PRIMPOL: variants seen among roughly 807,000 people sequenced by gnomAD.
PRIMPOL encodes the protein primase and DNA directed polymerase.
Under a neutral mutation model 63.6 loss-of-function variants are expected in PRIMPOL, and 54 were observed. That is an observed-to-expected ratio of 0.85 (90% CI 0.68 to 1.07). PRIMPOL has a LOEUF of 1.07. Among genes scored for constraint, PRIMPOL ranks in the 50% least tolerant of loss-of-function variants. The pLI, the probability that PRIMPOL is intolerant of heterozygous loss-of-function variation, is 0.00. For synonymous variants in PRIMPOL, 197 were observed against 220.2 expected, an observed-to-expected ratio of 0.89 and a Z score of 0.93; for missense variants, 610 against 648.3, an observed-to-expected ratio of 0.94 and a Z score of 0.64.
At chr4:184,683,743 A>C (rs1381545433) in intron 9 of PRIMPOL, among the ~76,000 whole-genome samples, 1 of 152,190 alleles carries the variant, frequency 6.6e-6, no homozygotes, top group Non-Finnish European at 1.5e-5. Context: ...GATTTCTTAC[A>C]TAAGCCCTCC....
chr4:184,685,711 AT>A (rs1756809192), intron 11 of PRIMPOL, 27 bp downstream of exon 11: 6 of 973,378 alleles, frequency 6.2e-6, no homozygotes, highest in Non-Finnish European at 9.3e-6. Flanking sequence ...ATTTGTGTGT[AT>A]TTAACCAATA....
At chr4:184,681,369 A>G (rs1229692836) in intron 8 of PRIMPOL, among the ~76,000 whole-genome samples, 1 of 152,080 alleles carries the variant, frequency 6.6e-6, no homozygotes, top group South Asian at 2.1e-4. Flanking sequence ...TATTATTCCA[A>G]GGTCCCTGTG....
chr4:184,672,223 GAAGATGATGATAGCGCTCC>G lies in PRIMPOL; in HGVS notation c.609_627del (p.Asp204ArgfsTer57). ...GCCTGCTCTTGACTTGCTTGGCAGTGAAGATGATGATAGCGCTCCAGAGACAACAGGCCATGGATTTCCC... is the reference window on the plus strand; with the variant it reads ...GCCTGCTCTTGACTTGCTTGGCAGTGAGAGACAACAGGCCATGGATTTCCC... On this transcript the variant is annotated frameshift_variant, in exon 7 of 14. Transcript: ENST00000314970. LOFTEE classifies it high-confidence loss of function. 2 of 1,613,676 alleles carry G rather than the reference GAAGATGATGATAGCGCTCC, an allele frequency of 1.2e-6. No individual in the cohort carries two copies. The highest frequency in any genetic ancestry group is 1.7e-6 in the Non-Finnish European group (2 of 1,179,938).
chr4:184,670,151 G>A (rs1751170876), intron 6 of PRIMPOL, among the ~76,000 whole-genome samples: 1 of 152,194 alleles, frequency 6.6e-6, no homozygotes, highest in Admixed American at 6.6e-5. Context: ...GTGGTTTGCT[G>A]GACCAGTGTG....
chr4:184,652,823 T>C (rs1009598552), intron 2 of PRIMPOL, among the ~76,000 whole-genome samples: 3 of 146,456 alleles, frequency 2.0e-5, no homozygotes, highest in Middle Eastern at 3.6e-3. Context: ...AGTTGGGGAA[T>C]AGGAATTGAC....
intron 11 of PRIMPOL, among the ~76,000 whole-genome samples, chr4:184,690,840 C>T (rs1758329045): frequency 6.6e-6 from 1 of 152,210 alleles, no homozygotes; most frequent in Admixed American, 6.5e-5. Context: ...CCACTCAGGT[C>T]TAAGCGTTTT....
At chr4:184,677,713 A>G (rs1043008822) in intron 7 of PRIMPOL, among the ~76,000 whole-genome samples, 5 of 152,228 alleles carry the variant, frequency 3.3e-5, no homozygotes, top group South Asian at 2.1e-4. Context: ...CCTTGAATCT[A>G]TAGATCACCT....
chr4:184,661,251 A>T (rs2720380), intron 4 of PRIMPOL, among the ~76,000 whole-genome samples: 26,510 of 152,188 alleles, frequency 0.17, 3,520 homozygotes, highest in East Asian at 0.7. Flanking sequence ...ATGTTACAGG[A>T]TATAATTGTT....
Position 184,672,445 on chromosome 4 carries a change from CT to C in PRIMPOL, c.834del (p.Phe278LeufsTer2), listed in dbSNP as rs1286763037. 6.2e-7 allele frequency: 1 copy of C among 1,607,784 alleles called. No homozygotes were observed. The highest frequency in any genetic ancestry group is 8.5e-7 in the Non-Finnish European group (1 of 1,177,662). ...GAAGAATAACATGGGAGAGAAGCAT[CT>C]TTTTGTAGATCTCGGTAAGTAAGAT... is the stretch of plus-strand genomic sequence containing the variant. ...VVKNNMGEKHLFVDLGVYTRN... is the reference protein window; with the variant it reads ...VVKNNMGEKHXFVDLGVYTRN... On this transcript the variant is annotated frameshift_variant, in exon 7 of 14. Coordinates refer to ENST00000314970, the MANE Select transcript of PRIMPOL (RefSeq NM_152683.4). LOFTEE classifies it high-confidence loss of function.
chr4:184,671,773 C>T (rs1751714342), intron 6 of PRIMPOL, among the ~76,000 whole-genome samples: 1 of 132,204 alleles, frequency 7.6e-6, no homozygotes, highest in Non-Finnish European at 1.5e-5. Flanking sequence ...GATGGAGTCT[C>T]ACTCTGTCAC....
chr4:184,682,062 A>AT (rs975937102), intron 8 of PRIMPOL, among the ~76,000 whole-genome samples, 186 bp from the exon 9 acceptor site: 19 of 151,866 alleles, frequency 1.3e-4, no homozygotes, highest in Non-Finnish European at 1.6e-4. Flanking sequence ...GACAAATCAT[A>AT]TTTTTTTTAT....
chr4:184,679,616 G>A (rs1186943030), intron 8 of PRIMPOL, among the ~76,000 whole-genome samples: 1 of 152,146 alleles, frequency 6.6e-6, no homozygotes, highest in Non-Finnish European at 1.5e-5. Flanking sequence ...CATGTTAGAA[G>A]GTAGTGGTCC....
rs1360161957 is a variant in PRIMPOL, at chr4:184,694,727, G to A, written c.1631G>A (p.Ser544Asn). Residue 544 changes from serine (S) to asparagine (N), a missense_variant, in exon 14 of 14, where the codon AGT becomes AAT. Coordinates refer to ENST00000314970, the MANE Select transcript of PRIMPOL (RefSeq NM_152683.4). ...GAGAACAGTCTTCTCAGTTATAACA[G>A]TGAAGTGGATGAAATTCCTGATGAA... Reference protein sequence around the residue: ...AAENSLLSYNSEVDEIPDELI... With the variant: ...AAENSLLSYNNEVDEIPDELI... The A allele has an allele frequency of 1.2e-6, 2 of 1,612,772 alleles. No homozygotes were observed. Among genetic ancestry groups the A allele is most frequent in the Non-Finnish European group, 1.7e-6 (2 of 1,178,722 alleles).
At chr4:184,693,445 CAT>C (rs1056651963) in intron 13 of PRIMPOL, among the ~76,000 whole-genome samples, 1 of 152,094 alleles carries the variant, frequency 6.6e-6, no homozygotes, top group Admixed American at 6.6e-5. Flanking sequence ...ACTACTTGGA[CAT>C]AACTTTTTAA....
chr4:184,678,112 C>G, intron 7 of PRIMPOL, 120 bp from the exon 8 acceptor site: 3 of 539,292 alleles, frequency 5.6e-6, no homozygotes, highest in Non-Finnish European at 9.2e-6. Flanking sequence ...ATTTTGTTTA[C>G]AGCTATATAT....
intron 4 of PRIMPOL, 132 bp from the exon 5 acceptor site, chr4:184,661,642 G>A (rs2150052994): frequency 1.0e-5 from 5 of 486,146 alleles, no homozygotes; most frequent in Non-Finnish European, 1.8e-5. Flanking sequence ...GGAGGAGGAG[G>A]TTGCAGTGAA....
chr4:184,688,039 T>C (rs548632793), intron 11 of PRIMPOL, among the ~76,000 whole-genome samples: 1 of 152,372 alleles, frequency 6.6e-6, no homozygotes, highest in East Asian at 1.9e-4. Flanking sequence ...TGTGTCACTA[T>C]TGTGCAGCAT....
intron 9 of PRIMPOL, 75 bp downstream of exon 9, chr4:184,682,411 C>A: frequency 1.3e-6 from 1 of 770,958 alleles, no homozygotes; most frequent in Non-Finnish European, 2.2e-6. Context: ...TGCAGTGGTG[C>A]GATCTCGGCT....
intron 13 of PRIMPOL, among the ~76,000 whole-genome samples, chr4:184,693,001 G>A (rs1211659167): frequency 2.6e-5 from 4 of 152,042 alleles, no homozygotes; most frequent in Non-Finnish European, 5.9e-5. Context: ...TGTAGTTTGT[G>A]TTTTGTTTTT....
Sources: gnomAD v4.1 joint callset for allele counts (sites outside exome capture counted in the v4.1 genomes callset) on GRCh38, gnomAD v4.1.1 for gene constraint, MANE v1.5 for transcripts, NCBI Gene and HGNC (gene_info 2026-07-23, HGNC 2026-07-21) for gene names.